MKI67: variants seen among roughly 807,000 people sequenced by gnomAD.
MKI67 encodes the protein proliferation marker protein Ki-67.
A neutral mutation model predicts 233.5 loss-of-function variants in MKI67; 152 were observed. The observed-to-expected ratio is 0.65, with a 90% confidence interval of 0.57 to 0.74. The LOEUF (loss-of-function observed/expected upper bound fraction) is 0.74, where lower values mean the gene tolerates loss of function less well. Among genes scored for constraint, MKI67 ranks in the 30% least tolerant of loss-of-function variants. The pLI is 0.00. For synonymous variants in MKI67, 1,465 were observed against 1,418.5 expected (o/e 1.03, Z -0.74); for missense variants, 3,940 against 3,885.2 (o/e 1.01, Z -0.37).
chr10:128,124,792 T>A (rs1317163752), intron 2 of MKI67, among the ~76,000 whole-genome samples: 1 of 152,066 alleles, frequency 6.6e-6, no homozygotes, highest in Non-Finnish European at 1.5e-5. Context: ...CACACAAGCT[T>A]GAGGAAGGGG....
intron 7 of MKI67, 78 bp downstream of exon 7, chr10:128,114,850 T>G (rs567696864): frequency 5.2e-6 from 7 of 1,354,684 alleles, no homozygotes; most frequent in Non-Finnish European, 7.0e-6. Flanking sequence ...TAATCACTAC[T>G]GAAAGAATGA....
Position 128,104,076 on chromosome 10 carries a change from A to T in MKI67, c.7764T>A (p.Ser2588=). 1 of 1,612,966 alleles carries T rather than the reference A, an allele frequency of 6.2e-7. No homozygotes were observed. The highest frequency in any genetic ancestry group is 8.5e-7 in the Non-Finnish European group (1 of 1,179,832). ...IDKNTKIPCK[S]PPPELTDTAT... ...CAGTGTCTGTTAGTTCTGGTGGGGGAGATTTGCAGGGAATTTTTGTGTTTT... is the reference window on the plus strand; with the variant it reads ...CAGTGTCTGTTAGTTCTGGTGGGGGTGATTTGCAGGGAATTTTTGTGTTTT... The change falls in exon 13 of 15, where the codon TCT becomes TCA. Residue 2588 remains serine, a synonymous_variant. Coordinates refer to ENST00000368654, the MANE Select transcript of MKI67 (RefSeq NM_002417.5).
Position 128,105,239 on chromosome 10 carries a change from A to G in MKI67, c.6601T>C (p.Phe2201Leu), listed in dbSNP as rs1038523619. 1.2e-6 allele frequency: 2 copies of G among 1,613,952 alleles called. No individual in the cohort carries two copies. The highest frequency in any genetic ancestry group is 1.7e-6 in the Non-Finnish European group (2 of 1,180,044). The change falls in exon 13 of 15, where the codon TTC becomes CTC. Residue 2201 changes from phenylalanine (F) to leucine (L), a missense_variant. By Grantham distance (22) the Phe-to-Leu change is conservative. Coordinates refer to ENST00000368654, the MANE Select transcript of MKI67 (RefSeq NM_002417.5). Reference protein sequence around the residue: ...LEDLAGLKELFQTPICTDKPT... With the variant: ...LEDLAGLKELLQTPICTDKPT... ...TTGTCAGTGCATATTGGTGTCTGGA[A>G]GAGCTCTTTCAAGCCAGCCAAGTCT...
At chr10:128,099,342 T>C in intron 14 of MKI67, 87 bp from the exon 15 acceptor site, 1 of 969,802 alleles carries the variant, frequency 1.0e-6, no homozygotes, top group Non-Finnish European at 1.6e-6. Flanking sequence ...CCCAAAGGCT[T>C]ACTAGGTATT....
Position 128,106,510 on chromosome 10 carries a change from G to A in MKI67, c.5330C>T (p.Ser1777Leu), listed in dbSNP as rs776832077. The A allele has an allele frequency of 6.2e-6, 10 of 1,613,990 alleles. No homozygotes were observed. In the African/African-American group the frequency reaches 1.2e-4, roughly 19 times the overall value. Residue 1777 changes from serine (S) to leucine (L), a missense_variant, in exon 13 of 15, where the codon TCA becomes TTA. Physicochemically the swap from Ser to Leu is moderately radical, Grantham distance 145 (BLOSUM62 -2). Transcript: ENST00000368654. ...EFLAFRKQTP[S>L]AGKAMHTPKP... Reference sequence around the variant, plus strand: ...GGGTGTGTGCATGGCTTTGCCTGCTGATGGCGTTTGTTTCCTAAATGCTAA... The same window carrying A: ...GGGTGTGTGCATGGCTTTGCCTGCTAATGGCGTTTGTTTCCTAAATGCTAA...
Position 128,103,693 on chromosome 10 carries a change from G to T in MKI67, c.8147C>A (p.Thr2716Asn). ...CESPPLEVVD[T>N]TASTKRHLRT... Reference sequence around the variant, plus strand: ...GAGATGCCTCTTTGTGCTTGCTGTGGTGTCTACCACTTCTAGTGGGGGAGA... The same window carrying T: ...GAGATGCCTCTTTGTGCTTGCTGTGTTGTCTACCACTTCTAGTGGGGGAGA... Residue 2716 changes from threonine to asparagine, a missense_variant, in exon 13 of 15, where the codon ACC (threonine) becomes AAC (asparagine). By Grantham distance (65) the Thr-to-Asn change is moderately conservative. Transcript: ENST00000368654. 1 of 1,614,098 alleles carries T rather than the reference G, an allele frequency of 6.2e-7. No individual in the cohort carries two copies. The highest frequency in any genetic ancestry group is 1.7e-5 in the Admixed American group (1 of 60,020).
At chr10:128,102,120 G>A (rs7069649) in intron 13 of MKI67, among the ~76,000 whole-genome samples, 66,177 of 152,034 alleles carry the variant, frequency 0.44, 14,512 homozygotes, top group Admixed American at 0.5. Context: ...TTCTCTGCAT[G>A]CAGTGGGAGC....
chr10:128,114,339 T>G (rs1231017371), intron 7 of MKI67, among the ~76,000 whole-genome samples: 2 of 152,174 alleles, frequency 1.3e-5, no homozygotes, highest in African/African-American at 4.8e-5. Flanking sequence ...CCTTGGGTTG[T>G]GCGTTTCCTC....
rs372001690 is a variant in MKI67, at chr10:128,106,637, C to T, written c.5203G>A (p.Val1735Ile). The T allele has an allele frequency of 1.9e-5, 31 of 1,613,930 alleles. No homozygotes were observed. In the African/African-American group the frequency reaches 3.7e-4, roughly 19 times the overall value. The change falls in exon 13 of 15, where the codon GTA becomes ATA. Residue 1735 changes from valine (V) to isoleucine (I), a missense_variant. Physicochemically the swap from Val to Ile is conservative, Grantham distance 29 (BLOSUM62 3). Coordinates refer to ENST00000368654, the MANE Select transcript of MKI67 (RefSeq NM_002417.5). ...TCTGGCTGTGAAGCTCTGTAGGATA[C>T]TTTGGTAGTTTTTTCGTTAGTCATT... is the stretch of plus-strand genomic sequence containing the variant. Reference protein sequence around the residue: ...ESMTNEKTTKVSYRASQPDLV... With the variant: ...ESMTNEKTTKISYRASQPDLV...
At chr10:128,113,085 G>A (rs1323986645) in intron 8 of MKI67, among the ~76,000 whole-genome samples, 2 of 152,156 alleles carry the variant, frequency 1.3e-5, no homozygotes, top group African/African-American at 2.4e-5. Flanking sequence ...CTTATGGGTC[G>A]ACGTGGTAAT....
chr10:128,116,575 T>C, intron 5 of MKI67, 39 bp from the exon 6 acceptor site: 2 of 1,566,350 alleles, frequency 1.3e-6, no homozygotes, highest in Non-Finnish European at 1.8e-6. Flanking sequence ...TTTGCAGGTC[T>C]TTCTAAATGA....
rs758152319 is a variant in MKI67 at position 128,105,848 on chromosome 10, G to A, written c.5992C>T (p.Arg1998Ter). 1.1e-5 allele frequency: 17 copies of A among 1,614,102 alleles called. No individual in the cohort carries two copies. Among genetic ancestry groups the A allele is most frequent in the East Asian group, 2.2e-5 (1 of 44,878 alleles). ...ACTTTCCCCAAGGATATCTTGAGTC[G>A]TTGCTTGGAGCTTGTTGGGGTTTTG... ...PVKTPTSSKQ[R>*]LKISLGKVGV... The change falls in exon 13 of 15, where the codon CGA (arginine) becomes TGA (stop). Residue 1998 changes from arginine to a stop codon, truncating the protein, a stop_gained. Transcript: ENST00000368654. LOFTEE classifies it high-confidence loss of function.
intron 4 of MKI67, among the ~76,000 whole-genome samples, chr10:128,121,529 A>AT (rs1554959763): frequency 1.2e-4 from 2 of 16,540 alleles, no homozygotes; most frequent in African/African-American, 1.0e-3. Flanking sequence ...ATATAATATT[A>AT]TATATTATAT....
intron 5 of MKI67, among the ~76,000 whole-genome samples, 159 bp from the exon 6 acceptor site, chr10:128,116,695 T>C (rs1448111620): frequency 1.3e-5 from 2 of 152,160 alleles, no homozygotes; most frequent in Admixed American, 1.3e-4. Context: ...TCACTTGAGG[T>C]CAGGAGTTTG....
chr10:128,100,083 C>G (rs948734209), intron 14 of MKI67, among the ~76,000 whole-genome samples: 1 of 152,198 alleles, frequency 6.6e-6, no homozygotes, highest in African/African-American at 2.4e-5. Flanking sequence ...AACGTGCTGA[C>G]CCACGTCAGC....
Position 128,103,808 on chromosome 10 carries a change from C to A in MKI67, c.8032G>T (p.Asp2678Tyr), listed in dbSNP as rs1852404112. 6.2e-7 allele frequency: 1 copy of A among 1,613,910 alleles called. No individual in the cohort carries two copies. The highest frequency in any genetic ancestry group is 1.3e-5 in the African/African-American group (1 of 74,842). ...GAGAGCTCTGTGAAGCCGGCCAGGT[C>A]TTCCAGGGGTTGGGCCTTTTCCTTA... is the stretch of plus-strand genomic sequence containing the variant. The part of the protein sequence containing the change: ...APKEKAQPLE[D>Y]LAGFTELSET... Residue 2678 changes from aspartate (D) to tyrosine (Y), a missense_variant, in exon 13 of 15, where the codon GAC becomes TAC. Coordinates refer to ENST00000368654, the MANE Select transcript of MKI67 (RefSeq NM_002417.5).
In MKI67 at chr10:128,103,417, G is replaced by A; in HGVS notation, c.8423C>T (p.Ala2808Val). 2 of 1,613,452 alleles carry A rather than the reference G, an allele frequency of 1.2e-6. No homozygotes were observed. Among genetic ancestry groups the A allele is most frequent in the Non-Finnish European group, 1.7e-6 (2 of 1,179,934 alleles). ...AGTCATTGATTCTTCAGTGTGACCT[G>A]CTGCTGGGTCTTTGAAGCCAGCTAG... is the stretch of plus-strand genomic sequence containing the variant. ...EDLAGFKDPA[A>V]GHTEESMTDD... The change falls in exon 13 of 15, where the codon GCA (alanine) becomes GTA (valine). Residue 2808 changes from alanine (A) to valine (V), a missense_variant. Ala to Val is a moderately conservative substitution (Grantham distance 64, BLOSUM62 0). Transcript: ENST00000368654.
chr10:128,107,408 C>G lies in MKI67; in HGVS notation c.4432G>C (p.Val1478Leu). 1 of 1,613,682 alleles carries G rather than the reference C, an allele frequency of 6.2e-7. No homozygotes were observed. ...TGAGTCGTGGGCTTGTCAGTGCATA[C>G]TGGTGTCTGGAAGAGCTCTTTCAAG... Reference protein sequence around the residue: ...AGLKELFQTPVCTDKPTTHEK... With the variant: ...AGLKELFQTPLCTDKPTTHEK... Residue 1478 changes from valine to leucine, a missense_variant, in exon 13 of 15, where the codon GTA becomes CTA. Physicochemically the swap from Val to Leu is conservative, Grantham distance 32. Transcript: ENST00000368654.
chr10:128,121,289 C>T (rs560275459), intron 4 of MKI67, among the ~76,000 whole-genome samples: 1 of 148,942 alleles, frequency 6.7e-6, no homozygotes, highest in African/African-American at 2.5e-5. Context: ...GGAAAATTTA[C>T]TAAGATTATA....
Sources: allele counts gnomAD v4.1 joint callset (sites outside exome capture counted in the v4.1 genomes callset), GRCh38; gene constraint gnomAD v4.1.1; transcripts MANE v1.5; gene names NCBI Gene and HGNC (gene_info 2026-07-23, HGNC 2026-07-21).